Variants in COL27A1 observed in about 807,000 individuals in gnomAD.
COL27A1 encodes the protein collagen type XXVII alpha 1 chain.
Under a neutral mutation model 251.3 loss-of-function variants are expected in COL27A1, and 106 were observed. That is an observed-to-expected ratio of 0.42 (90% CI 0.36 to 0.50). COL27A1 has a LOEUF of 0.50. Ranked by LOEUF, COL27A1 falls within the 20% of genes least tolerant of loss-of-function variation. The pLI, the probability that COL27A1 is intolerant of heterozygous loss-of-function variation, is 0.00. For missense variants in COL27A1, 2,325 were observed against 2,522.8 expected, an observed-to-expected ratio of 0.92 and a Z score of 1.68; for synonymous variants, 1,000 against 986.3, an observed-to-expected ratio of 1.01 and a Z score of -0.26.
Position 114,310,773 on chromosome 9 carries a change from T to C in COL27A1, c.*78T>C. 1.3e-6 allele frequency: 2 copies of C among 1,517,782 alleles called. No homozygotes were observed. The highest frequency in any genetic ancestry group is 1.8e-6 in the Non-Finnish European group (2 of 1,106,444). The allele number at this position is 1,517,782 out of a possible 1,614,324, so 94.0% of individuals were successfully genotyped here. On this transcript the variant is annotated 3_prime_UTR_variant, in exon 61 of 61. Transcript: ENST00000356083. The stretch of plus-strand genomic sequence containing the variant: ...CAAGGGGAGGGTACTGAGGGGCAGA[T>C]GGCTCCAGGAGAGGCAGCTCCCCTG...
chr9:114,279,838 G>A (rs1338407576), intron 37 of COL27A1, among the ~76,000 whole-genome samples: 2 of 152,144 alleles, frequency 1.3e-5, no homozygotes, highest in African/African-American at 4.8e-5. Flanking sequence ...GGGCAACAGA[G>A]AGAGACCTTG....
At chr9:114,253,121 G>A (rs775127530) in intron 27 of COL27A1, among the ~76,000 whole-genome samples, 189 bp downstream of exon 27, 7 of 152,160 alleles carry the variant, frequency 4.6e-5, no homozygotes, top group African/African-American at 9.7e-5. Context: ...TTCGCTGGGC[G>A]TGGTGACACG....
intron 23 of COL27A1, among the ~76,000 whole-genome samples, chr9:114,243,809 TG>T (rs925680408): frequency 6.6e-5 from 10 of 151,104 alleles, no homozygotes; most frequent in Non-Finnish European, 1.5e-4. Context: ...TTTTACAAGA[TG>T]GGAAGATGCC....
chr9:114,208,491 C>T (rs1259531467), intron 10 of COL27A1, among the ~76,000 whole-genome samples: 5 of 152,032 alleles, frequency 3.3e-5, no homozygotes, highest in Non-Finnish European at 7.4e-5. Context: ...TATAATACTT[C>T]CTCGGGGTGT....
At chr9:114,185,103 A>G (rs1419757829) in intron 5 of COL27A1, among the ~76,000 whole-genome samples, 1 of 152,136 alleles carries the variant, frequency 6.6e-6, no homozygotes, top group Non-Finnish European at 1.5e-5. Context: ...CAGATGTGCC[A>G]TGGTAGGAGG....
intron 27 of COL27A1, among the ~76,000 whole-genome samples, chr9:114,256,090 TA>T (rs1264645335): frequency 6.6e-6 from 1 of 152,208 alleles, no homozygotes. Flanking sequence ...CTACTACGAT[TA>T]AAAGTGACAT....
Position 114,290,147 on chromosome 9 carries a change from C to T in COL27A1, c.4260+36C>T. The stretch of plus-strand genomic sequence containing the variant: ...ACAGCTGCTGTTTCCAGCCAACCTC[C>T]CTGCCCGCCCCCCACACCCGCCCTC... On this transcript the variant is annotated intron_variant, in intron 46 of 60. Transcript: ENST00000356083. The surrounding 1 kb of genome is among the most constrained non-coding windows in gnomAD (Gnocchi z 4.6). The T allele has an allele frequency of 6.2e-7, 1 of 1,607,724 alleles. No homozygotes were observed.
chr9:114,251,408 TTCCTCC>T (rs990898451), intron 25 of COL27A1, among the ~76,000 whole-genome samples: 5 of 151,916 alleles, frequency 3.3e-5, no homozygotes, highest in Non-Finnish European at 2.9e-5. Flanking sequence ...GGCCTCTGCC[TTCCTCC>T]TCCTCCTCCT....
At chr9:114,291,577 C>G (rs537437876) in intron 48 of COL27A1, among the ~76,000 whole-genome samples, 1 of 152,154 alleles carries the variant, frequency 6.6e-6, no homozygotes, top group East Asian at 1.9e-4. Flanking sequence ...GGGGAAACCC[C>G]GTCTCTACTA....
At chr9:114,197,248 C>T (rs78968460) in intron 7 of COL27A1, among the ~76,000 whole-genome samples, 2 of 152,288 alleles carry the variant, frequency 1.3e-5, no homozygotes, top group Non-Finnish European at 2.9e-5. Flanking sequence ...ATCTGGACAG[C>T]TGGGGTGTCT....
chr9:114,161,669 C>G (rs561588086), intron 1 of COL27A1, among the ~76,000 whole-genome samples: 40 of 152,380 alleles, frequency 2.6e-4, no homozygotes, highest in African/African-American at 9.6e-4. Context: ...CCTGACACAG[C>G]TCTCTTGCCT....
intron 27 of COL27A1, among the ~76,000 whole-genome samples, chr9:114,254,784 G>A (rs540231992): frequency 3.9e-5 from 6 of 152,234 alleles, no homozygotes; most frequent in Non-Finnish European, 8.8e-5. Flanking sequence ...CTGTGTGCTA[G>A]CATAAGCTCC....
rs1041670066 is a variant in COL27A1 at position 114,167,824 on chromosome 9, T to C, written c.269T>C (p.Ile90Thr). ...ARLQAPTGTV[I>T]PAALGTELAL... ...CTCCAGGCTCCCACGGGCACCGTCA[T>C]TCCTGCCGCCTTGGGCACAGAGCTG... is the stretch of plus-strand genomic sequence containing the variant. The change falls in exon 3 of 61, where the codon ATT becomes ACT. Residue 90 changes from isoleucine to threonine, a missense_variant. Around this residue, in one of 4 missense-constraint regions of COL27A1, gnomAD observed 1,183 missense variants for 1,144.1 expected, o/e 1.03. Transcript: ENST00000356083. 4 of 1,613,502 alleles carry C rather than the reference T, an allele frequency of 2.5e-6. No homozygotes were observed. The highest frequency in any genetic ancestry group is 1.7e-5 in the Admixed American group (1 of 60,026).
chr9:114,270,723 T>G lies in COL27A1; in HGVS notation c.3556-5T>G. 14 of 1,610,564 alleles carry G rather than the reference T, an allele frequency of 8.7e-6. No homozygotes were observed. The highest frequency in any genetic ancestry group is 1.2e-5 in the Non-Finnish European group (14 of 1,177,856). ...CTCCTCCTCTTTCTCCATCACCTTT[T>G]CCAGGGAGAGCCAGGCCTTGAGGGT... On this transcript the variant is annotated splice_polypyrimidine_tract_variant and splice_region_variant and intron_variant, in intron 35 of 60. Coordinates refer to ENST00000356083, the MANE Select transcript of COL27A1 (RefSeq NM_032888.4).
intron 50 of COL27A1, 105 bp downstream of exon 50, chr9:114,300,228 T>A: frequency 1.6e-6 from 2 of 1,234,538 alleles, no homozygotes; most frequent in Admixed American, 1.8e-5. Flanking sequence ...AAACATTGGC[T>A]GGAAAACAGC....
At chr9:114,187,169 T>C (rs891718) in intron 5 of COL27A1, among the ~76,000 whole-genome samples, 31,656 of 152,324 alleles carry the variant, frequency 0.21, 3,643 homozygotes, top group African/African-American at 0.31. Context: ...CTTCCTCTAA[T>C]GTTCCTTCCT....
chr9:114,239,317 A>G (rs1221052922), intron 19 of COL27A1, among the ~76,000 whole-genome samples: 2 of 152,232 alleles, frequency 1.3e-5, no homozygotes, highest in Admixed American at 6.5e-5. Context: ...ACAGGACCCA[A>G]AATCATTTTG....
intron 7 of COL27A1, among the ~76,000 whole-genome samples, chr9:114,197,525 G>A (rs1026394036): frequency 2.6e-5 from 4 of 152,172 alleles, no homozygotes; most frequent in African/African-American, 9.7e-5. Context: ...GGCTCCTTCC[G>A]GTCCCAGCTC....
intron 12 of COL27A1, among the ~76,000 whole-genome samples, chr9:114,215,868 C>A (rs1158275043): frequency 2.6e-5 from 4 of 152,194 alleles, no homozygotes; most frequent in Admixed American, 2.6e-4. Flanking sequence ...CCCAGCCCTG[C>A]CAGGTGAGTG....
Sources: gnomAD v4.1 joint callset for allele counts (sites outside exome capture counted in the v4.1 genomes callset) on GRCh38, gnomAD v4.1.1 for gene constraint, gnomAD v4.1.1 regional missense constraint, Gnocchi (gnomAD v3.1) non-coding constraint, MANE v1.5 for transcripts, NCBI Gene and HGNC (gene_info 2026-07-23, HGNC 2026-07-21) for gene names.